Variants in SORCS3 observed in about 807,000 individuals in gnomAD.
The protein encoded by SORCS3 is VPS10 domain-containing receptor SorCS3.
Under a neutral mutation model 146.3 loss-of-function variants are expected in SORCS3, and 57 were observed. The ratio of observed to expected loss-of-function variants is 0.39; its 90% confidence interval spans 0.31 to 0.49. The LOEUF is 0.49. SORCS3 is among the 20% of genes least tolerant of loss of function. The pLI, the probability that SORCS3 is intolerant of heterozygous loss-of-function variation, is 0.92. For missense variants in SORCS3, 1,341 were observed against 1,575.5 expected (o/e 0.85, Z 2.52); for synonymous variants, 653 against 618.5 (o/e 1.06, Z -0.83).
In SORCS3 at chr10:105,178,192, G is replaced by A; in HGVS notation, c.2009+19G>A. 6.4e-7 allele frequency: 1 copy of A among 1,572,750 alleles called. No individual in the cohort carries two copies. The highest frequency in any genetic ancestry group is 8.7e-7 in the Non-Finnish European group (1 of 1,147,182). The stretch of plus-strand genomic sequence containing the variant: ...TCATGACGTGAGTACTTCTTTTGCT[G>A]TGACAGGAAGAAGACCAGAGACACT... On this transcript the variant is annotated intron_variant, in intron 14 of 26. Transcript: ENST00000369701.
chr10:104,887,391 C>T (rs573608420), intron 2 of SORCS3, among the ~76,000 whole-genome samples: 1 of 152,194 alleles, frequency 6.6e-6, no homozygotes, highest in South Asian at 2.1e-4. Flanking sequence ...TTGGGGAGAC[C>T]TGGAGTCATT....
intron 6 of SORCS3, among the ~76,000 whole-genome samples, chr10:105,096,671 A>G (rs1358114403): frequency 6.6e-6 from 1 of 152,152 alleles, no homozygotes; most frequent in Non-Finnish European, 1.5e-5. Flanking sequence ...TGTGGGATGA[A>G]TTGGATGAGT....
rs568433570 is a variant in SORCS3, at chr10:105,107,981, G to A, written c.1212+2466G>A. On this transcript the variant is annotated intron_variant, in intron 7 of 26. Coordinates refer to ENST00000369701, the MANE Select transcript of SORCS3 (RefSeq NM_014978.3). ...TGCTGGGTGGATTATATTTATTAAC[G>A]CTATCTGTAAAGCAGCAAAACGATG... Among the ~76,000 whole-genome samples, 5 of 152,180 alleles carry A rather than the reference G, an allele frequency of 3.3e-5. No homozygotes were observed. In the South Asian group the frequency reaches 8.3e-4, roughly 25 times the overall value.
chr10:104,948,644 A>G (rs932020269), intron 3 of SORCS3, among the ~76,000 whole-genome samples: 2 of 152,204 alleles, frequency 1.3e-5, no homozygotes, highest in Admixed American at 1.3e-4. Context: ...TGACCCTAAC[A>G]TGCCTCATGG....
intron 11 of SORCS3, among the ~76,000 whole-genome samples, chr10:105,160,430 C>A (rs1490139754): frequency 6.6e-6 from 1 of 152,122 alleles, no homozygotes; most frequent in Non-Finnish European, 1.5e-5. Context: ...AGTTTGAGAC[C>A]AGCCTGGACA....
At chr10:105,045,021 G>GAAAAAAAAAAAAAAAAAA (rs35904016) in intron 5 of SORCS3, among the ~76,000 whole-genome samples, 9 of 118,004 alleles carry the variant, frequency 7.6e-5, no homozygotes, top group African/African-American at 1.4e-4. Flanking sequence ...TCCAGAATTC[G>GAAAAAAAAAAAAAAAAAA]AAAAAAAAAA....
chr10:105,102,551 G>A (rs184646727), intron 6 of SORCS3, among the ~76,000 whole-genome samples: 286 of 152,234 alleles, frequency 1.9e-3, no homozygotes, highest in African/African-American at 5.8e-3. Context: ...TTGGGAGGAG[G>A]ATGAAAATAG....
rs73342163 is a variant in SORCS3 at position 104,928,752 on chromosome 10, C to G, written c.795+12820C>G. Among the ~76,000 whole-genome samples, 590 of 152,216 alleles carry G rather than the reference C, an allele frequency of 3.9e-3. 3 individuals are homozygous for G. Among genetic ancestry groups the G allele is most frequent in the African/African-American group, 0.014 (567 of 41,550 alleles). ...GGTTTGAAGCCAGCAAGTCTCTGTC[C>G]CCACATGTTGGGGTCTGAGCTGGCA... On this transcript the variant is annotated intron_variant, in intron 3 of 26. Coordinates refer to ENST00000369701, the MANE Select transcript of SORCS3 (RefSeq NM_014978.3).
At chr10:104,720,124 C>T (rs1054924768) in intron 1 of SORCS3, among the ~76,000 whole-genome samples, 2 of 152,104 alleles carry the variant, frequency 1.3e-5, no homozygotes, top group African/African-American at 4.8e-5. Flanking sequence ...TATCCCTCCC[C>T]CTTCCCCCGA....
At chr10:104,798,432 C>T (rs1463846609) in intron 1 of SORCS3, among the ~76,000 whole-genome samples, 1 of 152,108 alleles carries the variant, frequency 6.6e-6, no homozygotes, top group Non-Finnish European at 1.5e-5. Flanking sequence ...AAGTCATCTG[C>T]ATAACAATCA....
chr10:104,771,486 A>G (rs913004770), intron 1 of SORCS3, among the ~76,000 whole-genome samples: 1 of 151,998 alleles, frequency 6.6e-6, no homozygotes, highest in Non-Finnish European at 1.5e-5. Context: ...AATGAATTCT[A>G]ATTTGAATCT....
intron 1 of SORCS3, among the ~76,000 whole-genome samples, chr10:104,746,410 A>G (rs2016912240): frequency 6.6e-6 from 1 of 152,210 alleles, no homozygotes; most frequent in Non-Finnish European, 1.5e-5. Context: ...TGCTGGGATT[A>G]CAGGCGTGAG....
chr10:104,993,304 T>A (rs1401873986), intron 4 of SORCS3, among the ~76,000 whole-genome samples: 2 of 152,226 alleles, frequency 1.3e-5, no homozygotes, highest in Non-Finnish European at 2.9e-5. Flanking sequence ...TTTGTGGTTG[T>A]TCTTCCCTGT....
intron 4 of SORCS3, among the ~76,000 whole-genome samples, chr10:105,001,772 C>T (rs1051840556): frequency 6.6e-6 from 1 of 152,166 alleles, no homozygotes; most frequent in African/African-American, 2.4e-5. Flanking sequence ...TTCATGAACA[C>T]AGACAAGTTA....
At chr10:104,695,912 T>G (rs2016169494) in intron 1 of SORCS3, among the ~76,000 whole-genome samples, 1 of 147,414 alleles carries the variant, frequency 6.8e-6, no homozygotes, top group Non-Finnish European at 1.5e-5. Context: ...CAATGGTGGC[T>G]GAATGGATAA....
chr10:104,707,386 G>T (rs2016348127), intron 1 of SORCS3, among the ~76,000 whole-genome samples: 1 of 152,172 alleles, frequency 6.6e-6, no homozygotes, highest in Non-Finnish European at 1.5e-5. Context: ...AATATTAATT[G>T]TATCTGGGGA....
intron 14 of SORCS3, among the ~76,000 whole-genome samples, chr10:105,186,999 T>C (rs1259233022): frequency 5.9e-5 from 9 of 152,118 alleles, no homozygotes; most frequent in African/African-American, 9.7e-5. Context: ...AACTCCAGAC[T>C]TATCTTCTAC....
intron 1 of SORCS3, among the ~76,000 whole-genome samples, chr10:104,773,350 T>G (rs1395058916): frequency 6.6e-6 from 1 of 152,252 alleles, no homozygotes; most frequent in East Asian, 1.9e-4. Context: ...CATTCCCAGC[T>G]GCAGTGGTAT....
intron 1 of SORCS3, among the ~76,000 whole-genome samples, chr10:104,766,976 A>T (rs61867287): frequency 0.15 from 22,655 of 152,190 alleles, 2,116 homozygotes; most frequent in Middle Eastern, 0.28. Flanking sequence ...TATTATAGAC[A>T]AGGTTCATTT....
Sources: gnomAD v4.1 joint callset for allele counts (sites outside exome capture counted in the v4.1 genomes callset) on GRCh38, gnomAD v4.1.1 for gene constraint, MANE v1.5 for transcripts, NCBI Gene and HGNC (gene_info 2026-07-23, HGNC 2026-07-21) for gene names.